Variants in ARHGAP27 observed in about 807,000 individuals in gnomAD.
ARHGAP27 encodes rho GTPase-activating protein 27.
ARHGAP27 carries 53 observed loss-of-function variants against 102.0 expected under a neutral mutation model. The ratio of observed to expected loss-of-function variants is 0.52; its 90% confidence interval spans 0.42 to 0.65. The LOEUF is 0.65. ARHGAP27 is among the 30% of genes least tolerant of loss of function. The pLI is 0.00. For synonymous variants in ARHGAP27, 525 were observed against 542.8 expected, an observed-to-expected ratio of 0.97 and a Z score of 0.46; for missense variants, 1,117 against 1,256.2, an observed-to-expected ratio of 0.89 and a Z score of 1.68.
At chr17:45,402,109 C>T (rs1180176387) in intron 12 of ARHGAP27, among the ~76,000 whole-genome samples, 1 of 152,188 alleles carries the variant, frequency 6.6e-6, no homozygotes, top group Non-Finnish European at 1.5e-5. Flanking sequence ...GTAGTCTTCT[C>T]CACTGCCCCA....
rs1301118358 is a variant in ARHGAP27, at chr17:45,429,661, C to T, written c.619G>A (p.Asp207Asn). Residue 207 changes from aspartate to asparagine, a missense_variant, in exon 4 of 20, where the codon GAC becomes AAC. Asp to Asn is a conservative substitution (Grantham distance 23, BLOSUM62 1). Coordinates refer to ENST00000685559, the MANE Select transcript of ARHGAP27 (RefSeq NM_001282290.2). ...TCCTCCGGCGGCGGGACGTGCAAGTCCTGGATGACCTCGTAGACGTTCTCT... is the reference window on the plus strand; with the variant it reads ...TCCTCCGGCGGCGGGACGTGCAAGTTCTGGATGACCTCGTAGACGTTCTCT... ...DSENVYEVIQDLHVPPPEESA... is the reference protein window; with the variant it reads ...DSENVYEVIQNLHVPPPEESA... 6.3e-7 allele frequency: 1 copy of T among 1,580,914 alleles called. No homozygotes were observed. Among genetic ancestry groups the T allele is most frequent in the Non-Finnish European group, 8.6e-7 (1 of 1,163,206 alleles).
chr17:45,410,184 C>T, intron 4 of ARHGAP27: 2 of 1,529,924 alleles, frequency 1.3e-6, no homozygotes, highest in South Asian at 1.2e-5. Flanking sequence ...CCTAACAGGG[C>T]TTGTGGTAGA....
At position 45,427,983 on chromosome 17, in the gene ARHGAP27, G is replaced by A. The variant is rs1041972272; in HGVS notation, c.657+1640C>T. 6.6e-6 allele frequency among the ~76,000 whole-genome samples: 1 copy of A among 152,214 alleles called. No homozygotes were observed. The highest frequency in any genetic ancestry group is 1.5e-5 in the Non-Finnish European group (1 of 68,010). On this transcript the variant is annotated intron_variant, in intron 4 of 19. Coordinates refer to ENST00000685559, the MANE Select transcript of ARHGAP27 (RefSeq NM_001282290.2). This position sits in a 1 kb window ranked among gnomAD's most constrained non-coding sequence, Gnocchi z 4.5. ...CCTCTTTGGTCCTGGGGCCTGGGGTGTTGGCCCTTGCAGACCTACAGAGCC... is the reference window on the plus strand; with the variant it reads ...CCTCTTTGGTCCTGGGGCCTGGGGTATTGGCCCTTGCAGACCTACAGAGCC...
At chr17:45,429,197 T>C (rs1422396500) in intron 4 of ARHGAP27, among the ~76,000 whole-genome samples, 2 of 152,184 alleles carry the variant, frequency 1.3e-5, no homozygotes, top group Non-Finnish European at 2.9e-5. Context: ...AGCTGGGACT[T>C]GGAAAGATAA....
At chr17:45,429,408 G>C (rs570148922) in intron 4 of ARHGAP27, 1 of 1,376,306 alleles carries the variant, frequency 7.3e-7, no homozygotes, top group East Asian at 3.0e-5. Context: ...TGGGCTTCCA[G>C]GGAGCTTTGG....
At chr17:45,426,202 G>A (rs140939179) in intron 4 of ARHGAP27, among the ~76,000 whole-genome samples, 202 of 152,246 alleles carry the variant, frequency 1.3e-3, no homozygotes, top group Middle Eastern at 6.8e-3. Context: ...CTTCCTGGCC[G>A]TGTGAGCTTC....
chr17:45,406,408 G>A (rs1230101), intron 4 of ARHGAP27, among the ~76,000 whole-genome samples: 48,557 of 152,048 alleles, frequency 0.32, 7,968 homozygotes, highest in East Asian at 0.55. Context: ...GGTGTAAAAT[G>A]TCTGCTCTGT....
rs781780740 is a variant in ARHGAP27 at position 45,395,447 on chromosome 17, GGCCA to G, written c.*5_*8del. 6.4e-7 allele frequency: 1 copy of G among 1,558,326 alleles called. No homozygotes were observed. Among genetic ancestry groups the G allele is most frequent in the South Asian group, 1.2e-5 (1 of 84,396 alleles). ...GACCGCGGCCGCCGCCCCAGTCACA[GGCCA>G]GCAGTCAGTGCGGCGGGAAGATGTC... On this transcript the variant is annotated 3_prime_UTR_variant, in exon 20 of 20. Transcript: ENST00000685559.
intron 4 of ARHGAP27, among the ~76,000 whole-genome samples, chr17:45,429,084 C>T (rs746632477): frequency 2.6e-5 from 4 of 152,256 alleles, no homozygotes; most frequent in African/African-American, 4.8e-5. Flanking sequence ...CACATCCACC[C>T]TCTCATCTGA....
In ARHGAP27 at chr17:45,406,047, C is replaced by T. The variant is rs142833021; in HGVS notation, c.694G>A (p.Glu232Lys). Residue 232 changes from glutamate (E) to lysine (K), a missense_variant, in exon 5 of 20, where the codon GAG (glutamate) becomes AAG (lysine). By Grantham distance (56) the Glu-to-Lys change is moderately conservative. Transcript: ENST00000685559. ...DPPEPVYANI[E>K]RQPRATSPGA... is the part of the protein sequence containing the mutation. ...GGTGAAGTGGCCCGGGGCTGCCTCTCTATGTTCGCGTACACGGGCTCCGGT... is the reference window on the plus strand; with the variant it reads ...GGTGAAGTGGCCCGGGGCTGCCTCTTTATGTTCGCGTACACGGGCTCCGGT... The T allele has an allele frequency of 1.1e-3, 1,743 of 1,532,284 alleles. 30 individuals carry two copies. In the East Asian group the frequency reaches 0.027, roughly 24 times the overall value. The allele number at this position is 1,532,284 out of a possible 1,614,324, so 94.9% of individuals were successfully genotyped here.
At chr17:45,404,356 T>G in intron 8 of ARHGAP27, 22 bp from the exon 9 acceptor site, 2 of 1,613,710 alleles carry the variant, frequency 1.2e-6, no homozygotes, top group Non-Finnish European at 1.7e-6. Flanking sequence ...GACAGATAGA[T>G]CCCACCAAGT....
rs747320660 is a variant in ARHGAP27 at position 45,396,520 on chromosome 17, C to T, written c.2140G>A (p.Val714Met). ...ERERSRVPRF[V>M]QQCIRAVEAR... Reference sequence around the variant, plus strand: ...TCGACGGCGCGGATGCACTGCTGCACGAAGCGTGGCACCCGGCTCCTCTCG... The same window carrying T: ...TCGACGGCGCGGATGCACTGCTGCATGAAGCGTGGCACCCGGCTCCTCTCG... The change falls in exon 16 of 20, where the codon GTG becomes ATG. Residue 714 changes from valine to methionine, a missense_variant. By Grantham distance (21) the Val-to-Met change is conservative. Coordinates refer to ENST00000685559, the MANE Select transcript of ARHGAP27 (RefSeq NM_001282290.2). 6 of 1,575,164 alleles carry T rather than the reference C, an allele frequency of 3.8e-6. No homozygotes were observed. The highest frequency in any genetic ancestry group is 1.8e-5 in the Admixed American group (1 of 56,194).
At chr17:45,429,269 ACCATCGAG>A in intron 4 of ARHGAP27, 1 of 635,342 alleles carries the variant, frequency 1.6e-6, no homozygotes. Flanking sequence ...GCAGCAGCCG[ACCATCGAG>A]CTCATTTGCA....
At chr17:45,397,416 C>T in intron 13 of ARHGAP27, 1 of 524,390 alleles carries the variant, frequency 1.9e-6, no homozygotes, top group Non-Finnish European at 2.6e-6. Context: ...ACAACTGCAC[C>T]AATATCACCT....
intron 4 of ARHGAP27, among the ~76,000 whole-genome samples, chr17:45,407,177 G>A (rs150837213): frequency 6.6e-6 from 1 of 152,144 alleles, no homozygotes; most frequent in African/African-American, 2.4e-5. Context: ...GCCACTCCTT[G>A]CCCCTTGCCT....
rs2049956088 is a variant in ARHGAP27, at chr17:45,430,259, C to T, written c.21G>A (p.Gly7=). 2 of 1,578,232 alleles carry T rather than the reference C, an allele frequency of 1.3e-6. No individual in the cohort carries two copies. The highest frequency in any genetic ancestry group is 3.5e-5 in the Admixed American group (2 of 57,174). ...GGTGCTCCACCAGCACGTACACGTCCCCCACCACGTCCGCCGCCATCGCAG... is the reference window on the plus strand; with the variant it reads ...GGTGCTCCACCAGCACGTACACGTCTCCCACCACGTCCGCCGCCATCGCAG... MAADVV[G]DVYVLVEHPF... The change falls in exon 4 of 20, where the codon GGG becomes GGA. Residue 7 remains glycine (G), a synonymous_variant. Coordinates refer to ENST00000685559, the MANE Select transcript of ARHGAP27 (RefSeq NM_001282290.2). This position sits in a 1 kb window ranked among gnomAD's most constrained non-coding sequence, Gnocchi z 4.4.
chr17:45,424,169 C>T (rs1223331184), intron 4 of ARHGAP27, among the ~76,000 whole-genome samples: 14 of 152,358 alleles, frequency 9.2e-5, no homozygotes, highest in Non-Finnish European at 1.6e-4. Flanking sequence ...TGGGCACCCA[C>T]AGCAGCCTCA....
chr17:45,405,537 A>G (rs1467100509), intron 5 of ARHGAP27, 139 bp downstream of exon 5: 1 of 1,150,734 alleles, frequency 8.7e-7, no homozygotes, highest in Non-Finnish European at 1.2e-6. Flanking sequence ...GGAGCAGGAG[A>G]AGGGGTCAAA....
rs2046778907 is a variant in ARHGAP27 at position 45,403,852 on chromosome 17, C to T, written c.1548-143G>A. ...GAGGGCTGGAATCCCGACTCTAACACCTAGCAGCCGAGGGACCTTGAGCAA... is the reference window on the plus strand; with the variant it reads ...GAGGGCTGGAATCCCGACTCTAACATCTAGCAGCCGAGGGACCTTGAGCAA... On this transcript the variant is annotated intron_variant, in intron 10 of 19. Coordinates refer to ENST00000685559, the MANE Select transcript of ARHGAP27 (RefSeq NM_001282290.2). The T allele has an allele frequency of 3.1e-6, 3 of 978,340 alleles. No homozygotes were observed. The Admixed American group carries it at 6.8e-5, about 22-fold the overall frequency. The allele number at this position is 978,340 out of a possible 1,614,324, so 60.6% of individuals were successfully genotyped here.
Sources: allele counts gnomAD v4.1 joint callset (sites outside exome capture counted in the v4.1 genomes callset), GRCh38; gene constraint gnomAD v4.1.1; non-coding constraint Gnocchi (gnomAD v3.1); transcripts MANE v1.5; gene names NCBI Gene and HGNC (gene_info 2026-07-23, HGNC 2026-07-21).